The following SIK2 variants were observed in gnomAD, a reference collection of about 807,000 sequenced individuals.
SIK2 encodes serine/threonine-protein kinase SIK2.
A neutral mutation model predicts 103.2 loss-of-function variants in SIK2; 29 were observed. The ratio of observed to expected loss-of-function variants is 0.28; its 90% CI spans 0.21 to 0.38. The LOEUF (loss-of-function observed/expected upper bound fraction) is 0.38. Ranked by LOEUF, SIK2 falls within the 10% of genes least tolerant of loss-of-function variation. The pLI, the probability that SIK2 is intolerant of heterozygous loss-of-function variation, is 1.00. For synonymous variants in SIK2, 412 were observed against 446.1 expected (o/e 0.92, Z 0.96); for missense variants, 879 against 1,171.0 (o/e 0.75, Z 3.64).
chr11:111,616,209 T>C (rs376796006), intron 1 of SIK2, 34 bp from the exon 2 acceptor site: 57 of 1,384,206 alleles, frequency 4.1e-5, no homozygotes, highest in Non-Finnish European at 5.0e-5. Flanking sequence ...AACTATTGTA[T>C]ACTAATTGTA....
chr11:111,623,633 A>T (rs1326330379), intron 3 of SIK2, among the ~76,000 whole-genome samples: 4 of 152,178 alleles, frequency 2.6e-5, no homozygotes, highest in Non-Finnish European at 4.4e-5. Context: ...ATGCCCCATG[A>T]ATGCTGAGGT....
chr11:111,646,620 C>T (rs1282481965), intron 3 of SIK2, among the ~76,000 whole-genome samples: 1 of 152,102 alleles, frequency 6.6e-6, no homozygotes, highest in Non-Finnish European at 1.5e-5. Context: ...ATCCCCTCAC[C>T]CCCGGGCAAC....
At chr11:111,605,155 G>A (rs1941633407) in intron 1 of SIK2, among the ~76,000 whole-genome samples, 2 of 152,012 alleles carry the variant, frequency 1.3e-5, no homozygotes, top group Admixed American at 1.3e-4. Context: ...TAGAGACGGG[G>A]TTTCACAGTG....
At chr11:111,691,850 A>C (rs1306774608) in intron 4 of SIK2, among the ~76,000 whole-genome samples, 4 of 152,220 alleles carry the variant, frequency 2.6e-5, no homozygotes, top group Non-Finnish European at 5.9e-5. Context: ...CAGTGACAAA[A>C]AGCTTAACTC....
chr11:111,650,224 A>G (rs1357606723), intron 3 of SIK2, among the ~76,000 whole-genome samples: 1 of 152,032 alleles, frequency 6.6e-6, no homozygotes, highest in Non-Finnish European at 1.5e-5. Context: ...CTGGGCAACT[A>G]GATTTCAACT....
In SIK2 at chr11:111,602,905, A is replaced by C. The variant is rs1941602986; in HGVS notation, c.135+207A>C. On this transcript the variant is annotated intron_variant, in intron 1 of 14. Coordinates refer to ENST00000304987, the MANE Select transcript of SIK2 (RefSeq NM_015191.3). The surrounding 1 kb of genome is among the most constrained non-coding windows in gnomAD (Gnocchi z 4.5). ...GATCGGGCCCGGGCACCCGGACCCG[A>C]GTGTCGTCCGACTGGAAACGCAACC... Among the ~76,000 whole-genome samples the C allele has an allele frequency of 6.6e-6, 1 of 152,000 alleles. No homozygotes were observed. The highest frequency in any genetic ancestry group is 6.5e-5 in the Admixed American group (1 of 15,280).
intron 4 of SIK2, among the ~76,000 whole-genome samples, chr11:111,694,260 TTATTAA>T (rs1469980343): frequency 6.6e-6 from 1 of 152,222 alleles, no homozygotes; most frequent in Admixed American, 6.5e-5. Context: ...CTTTAAAGCC[TTATTAA>T]TACAAACCTT....
chr11:111,723,584 C>A lies in SIK2; in HGVS notation c.2236C>A (p.Gln746Lys). The A allele has an allele frequency of 1.2e-6, 2 of 1,614,228 alleles. No homozygotes were observed. The highest frequency in any genetic ancestry group is 2.2e-5 in the South Asian group (2 of 91,088). Residue 746 changes from glutamine to lysine, a missense_variant, in exon 15 of 15, where the codon CAG becomes AAG. Transcript: ENST00000304987. ...GCAGATAGCAGAGAGCTCCTACCCACAGCCAAGTCAGCAGCTGCCCCTTCC... is the reference window on the plus strand; with the variant it reads ...GCAGATAGCAGAGAGCTCCTACCCAAAGCCAAGTCAGCAGCTGCCCCTTCC... ...QMQIAESSYP[Q>K]PSQQLPLPRQ...
In SIK2 at chr11:111,699,813, G is replaced by C. The variant is rs551817302; in HGVS notation, c.479-1073G>C. ...ATTTATCATTTTCACTTTACAGATG[G>C]GGAAACTAAGGCTCACAAAGACTGA... On this transcript the variant is annotated intron_variant, in intron 4 of 14. Transcript: ENST00000304987. Among the ~76,000 whole-genome samples the C allele has an allele frequency of 3.3e-5, 5 of 152,262 alleles. No homozygotes were observed. The East Asian group carries it at 9.6e-4, about 29-fold the overall frequency.
At position 111,703,220 on chromosome 11, in the gene SIK2, C is replaced by T; in HGVS notation, c.745C>T (p.Arg249Ter). The change falls in exon 7 of 15, where the codon CGA (arginine) becomes TGA (stop). Residue 249 changes from arginine to a stop codon, truncating the protein, a stop_gained. Transcript: ENST00000304987. LOFTEE classifies it high-confidence loss of function. ...FMSEDCEHLI[R>*]RMLVLDPSKR... ...TTCTATAGATTGCGAGCACCTTATC[C>T]GAAGGATGTTGGTCCTAGACCCATC... 1 of 1,614,086 alleles carries T rather than the reference C, an allele frequency of 6.2e-7. No individual in the cohort carries two copies. Among genetic ancestry groups the T allele is most frequent in the Non-Finnish European group, 8.5e-7 (1 of 1,180,002 alleles).
chr11:111,706,853 G>A (rs993643684), intron 8 of SIK2, among the ~76,000 whole-genome samples: 1 of 151,310 alleles, frequency 6.6e-6, no homozygotes, highest in African/African-American at 2.4e-5. Flanking sequence ...CCAGCTACTT[G>A]GGAGGCTGAG....
At chr11:111,690,390 AG>A (rs1742535902) in intron 4 of SIK2, among the ~76,000 whole-genome samples, 1 of 151,066 alleles carries the variant, frequency 6.6e-6, no homozygotes, top group African/African-American at 2.4e-5. Context: ...AGCACAAAGG[AG>A]TTCTAGGAGT....
At chr11:111,657,485 C>T (rs547962491) in intron 3 of SIK2, among the ~76,000 whole-genome samples, 1 of 152,154 alleles carries the variant, frequency 6.6e-6, no homozygotes, top group South Asian at 2.1e-4. Flanking sequence ...AACCTCCCAG[C>T]CTCAAGCGAT....
chr11:111,720,734 C>T lies in SIK2; in HGVS notation c.1752C>T (p.Arg584=). 1.2e-6 allele frequency: 2 copies of T among 1,604,108 alleles called. No homozygotes were observed. The highest frequency in any genetic ancestry group is 2.7e-5 in the African/African-American group (2 of 74,688). ...NRSPVSFREG[R]RASDTSLTQG... ...CTCCAGTGAGCTTCAGAGAGGGCCG[C>T]AGAGCATCAGATACCTCCCTCACCC... is the stretch of plus-strand genomic sequence containing the variant. Residue 584 remains arginine, a synonymous_variant, in exon 11 of 15, where the codon CGC becomes CGT. Transcript: ENST00000304987.
intron 3 of SIK2, among the ~76,000 whole-genome samples, chr11:111,636,356 C>T (rs1032564566): frequency 1.3e-5 from 2 of 152,338 alleles, no homozygotes; most frequent in South Asian, 2.1e-4. Context: ...ATTGCTACTG[C>T]TCCATTACCC....
At chr11:111,668,725 A>G (rs1219829684) in intron 3 of SIK2, among the ~76,000 whole-genome samples, 2 of 152,204 alleles carry the variant, frequency 1.3e-5, no homozygotes, top group East Asian at 1.9e-4. Flanking sequence ...TGCTCTGGCT[A>G]CTCTGTCAAG....
intron 2 of SIK2, among the ~76,000 whole-genome samples, chr11:111,618,258 T>G (rs1051469670): frequency 9.9e-5 from 15 of 152,128 alleles, no homozygotes; most frequent in Non-Finnish European, 1.9e-4. Context: ...ATGGGAGCAA[T>G]GGGGAGCCGC....
intron 8 of SIK2, among the ~76,000 whole-genome samples, chr11:111,709,846 C>T (rs1943449786): frequency 6.6e-6 from 1 of 152,180 alleles, no homozygotes. Flanking sequence ...TTGTAGTAGT[C>T]CAGGTCGGAT....
At chr11:111,720,218 T>A (rs1353000423) in intron 10 of SIK2, among the ~76,000 whole-genome samples, 1 of 152,188 alleles carries the variant, frequency 6.6e-6, no homozygotes, top group Non-Finnish European at 1.5e-5. Context: ...GTCCCCAGGA[T>A]TCATCTGGGT....
Sources: gnomAD v4.1 joint callset for allele counts (sites outside exome capture counted in the v4.1 genomes callset) on GRCh38, gnomAD v4.1.1 for gene constraint, Gnocchi (gnomAD v3.1) non-coding constraint, MANE v1.5 for transcripts, NCBI Gene and HGNC (gene_info 2026-07-23, HGNC 2026-07-21) for gene names.